LEF1: variants seen among roughly 807,000 people sequenced by gnomAD.
LEF1 encodes lymphoid enhancer-binding factor 1.
Under a neutral mutation model 51.2 loss-of-function variants are expected in LEF1, and 14 were observed. The ratio of observed to expected loss-of-function variants is 0.27; its 90% CI spans 0.18 to 0.43. LEF1 has a LOEUF of 0.43. LEF1 is among the 20% of genes least tolerant of loss of function. The probability of loss-of-function intolerance (pLI) is 1.00; values close to 1 mark genes in which losing one functional copy is unlikely to be tolerated. For missense variants in LEF1, 386 were observed against 512.0 expected, an observed-to-expected ratio of 0.75 and a Z score of 2.37; for synonymous variants, 185 against 183.2, an observed-to-expected ratio of 1.01 and a Z score of -0.08.
intron 3 of LEF1, among the ~76,000 whole-genome samples, chr4:108,161,923 T>C (rs902153110): frequency 6.6e-6 from 1 of 152,106 alleles, no homozygotes; most frequent in South Asian, 2.1e-4. Flanking sequence ...ATCTAAAACA[T>C]ATTCTCCTTC....
At chr4:108,087,682 T>C (rs984442186) in intron 4 of LEF1, among the ~76,000 whole-genome samples, 2 of 152,222 alleles carry the variant, frequency 1.3e-5, no homozygotes. Context: ...GTAAGCACTA[T>C]TTAATTGTTA....
At chr4:108,109,892 C>T (rs1355111461) in intron 3 of LEF1, among the ~76,000 whole-genome samples, 1 of 152,160 alleles carries the variant, frequency 6.6e-6, no homozygotes, top group Non-Finnish European at 1.5e-5. Context: ...AAAATACACA[C>T]CTGCCCAGCC....
Position 108,167,727 on chromosome 4 carries a change from TCCC to T in LEF1, c.38_40del (p.Gly13del), listed in dbSNP as rs780936502. On this transcript the variant is annotated inframe_deletion, in exon 1 of 12. Coordinates refer to ENST00000265165, the MANE Select transcript of LEF1 (RefSeq NM_016269.5). The surrounding 1 kb of genome is among the most constrained non-coding windows in gnomAD (Gnocchi z 5.7). ...CTCGTCCGTGGCGCAGAGTTCCGGG[TCCC>T]CCCCGCCGCCGCCACCTCCTCCGGA... 6.2e-7 allele frequency: 1 copy of T among 1,612,610 alleles called. No homozygotes were observed. Among genetic ancestry groups the T allele is most frequent in the South Asian group, 1.1e-5 (1 of 91,014 alleles).
At chr4:108,139,950 A>C (rs765923064) in intron 3 of LEF1, among the ~76,000 whole-genome samples, 1 of 152,190 alleles carries the variant, frequency 6.6e-6, no homozygotes, top group Non-Finnish European at 1.5e-5. Flanking sequence ...TCTTACCTCA[A>C]AAAGAATTCA....
intron 8 of LEF1, among the ~76,000 whole-genome samples, chr4:108,073,335 A>G (rs751922697): frequency 6.6e-6 from 1 of 152,186 alleles, no homozygotes; most frequent in Non-Finnish European, 1.5e-5. Context: ...CAGTGAGCCA[A>G]GATTGCACCA....
chr4:108,104,476 AATAT>A (rs201314868), intron 3 of LEF1, among the ~76,000 whole-genome samples: 2 of 147,640 alleles, frequency 1.4e-5, no homozygotes, highest in East Asian at 2.0e-4. Context: ...ATATATATAA[AATAT>A]ATATATAAAT....
rs541139832 is a variant in LEF1, at chr4:108,111,667, T to G, written c.415-22410A>C. Among the ~76,000 whole-genome samples the G allele has an allele frequency of 9.2e-5, 14 of 152,258 alleles. 1 individual carries two copies. In the East Asian group the frequency reaches 2.7e-3, roughly 29 times the overall value. On this transcript the variant is annotated intron_variant, in intron 3 of 11. Coordinates refer to ENST00000265165, the MANE Select transcript of LEF1 (RefSeq NM_016269.5). Reference sequence around the variant, plus strand: ...TGGCTCACGCCTGTAATCCTAGCACTTTGGGAGGCCAAGGCAGGTGAATTG... The same window carrying G: ...TGGCTCACGCCTGTAATCCTAGCACGTTGGGAGGCCAAGGCAGGTGAATTG...
chr4:108,160,304 CATAA>C (rs1382373334), intron 3 of LEF1, among the ~76,000 whole-genome samples: 2 of 152,168 alleles, frequency 1.3e-5, no homozygotes, highest in Non-Finnish European at 2.9e-5. Flanking sequence ...CAGGGATTTT[CATAA>C]ATAAAGTTCA....
chr4:108,148,456 G>A (rs966021180), intron 3 of LEF1, among the ~76,000 whole-genome samples: 1 of 152,126 alleles, frequency 6.6e-6, no homozygotes, highest in Non-Finnish European at 1.5e-5. Flanking sequence ...GCTCTACTAG[G>A]CTGCAACACT....
intron 3 of LEF1, among the ~76,000 whole-genome samples, chr4:108,114,843 G>C (rs77178783): frequency 6.6e-6 from 1 of 152,162 alleles, no homozygotes; most frequent in Non-Finnish European, 1.5e-5. Context: ...TGGAACAGCC[G>C]GCTTCCTCTG....
At chr4:108,108,469 C>T (rs1038300292) in intron 3 of LEF1, among the ~76,000 whole-genome samples, 10 of 152,092 alleles carry the variant, frequency 6.6e-5, no homozygotes, top group Non-Finnish European at 1.2e-4. Context: ...TTGATTTTTC[C>T]TATCCAACCT....
At chr4:108,138,873 C>T (rs1344537088) in intron 3 of LEF1, among the ~76,000 whole-genome samples, 1 of 152,234 alleles carries the variant, frequency 6.6e-6, no homozygotes, top group African/African-American at 2.4e-5. Context: ...CATTTTCCTC[C>T]TCTGCCTTCC....
intron 11 of LEF1, among the ~76,000 whole-genome samples, chr4:108,051,771 A>C (rs1737009643): frequency 6.6e-6 from 1 of 151,698 alleles, no homozygotes; most frequent in South Asian, 2.1e-4. Flanking sequence ...ACCAAATTCC[A>C]ATCTTGACAA....
intron 11 of LEF1, among the ~76,000 whole-genome samples, chr4:108,055,348 T>G (rs1270594627): frequency 6.6e-6 from 1 of 152,224 alleles, no homozygotes; most frequent in Non-Finnish European, 1.5e-5. Flanking sequence ...CCATACTCCT[T>G]GTGGCATATA....
rs1218126265 is a variant in LEF1 at position 108,048,006 on chromosome 4, T to G, written c.*752A>C. On this transcript the variant is annotated 3_prime_UTR_variant, in exon 12 of 12. Coordinates refer to ENST00000265165, the MANE Select transcript of LEF1 (RefSeq NM_016269.5). ...CCTTACAAGGGCGGAGAAGCCACTATGTGTTACAGGCAATTCACAGAGAAG... is the reference window on the plus strand; with the variant it reads ...CCTTACAAGGGCGGAGAAGCCACTAGGTGTTACAGGCAATTCACAGAGAAG... 1 of 152,638 alleles carries G rather than the reference T, an allele frequency of 6.6e-6. No homozygotes were observed. Among genetic ancestry groups the G allele is most frequent in the Non-Finnish European group, 1.5e-5 (1 of 68,048 alleles). The allele number at this position is 152,638 out of a possible 1,614,324, so 9.5% of individuals were successfully genotyped here. A position where few individuals can be genotyped will look rare whatever the true frequency, so the allele number is the denominator to read the frequency against.
At chr4:108,079,743 T>A in intron 6 of LEF1, 129 bp from the exon 7 acceptor site, 1 of 830,878 alleles carries the variant, frequency 1.2e-6, no homozygotes, top group Non-Finnish European at 1.9e-6. Flanking sequence ...ACAGAAGCAT[T>A]AACTATAAAT....
At chr4:108,055,051 T>C (rs1737232378) in intron 11 of LEF1, among the ~76,000 whole-genome samples, 1 of 152,230 alleles carries the variant, frequency 6.6e-6, no homozygotes, top group South Asian at 2.1e-4. Flanking sequence ...CACAGTAATG[T>C]CATGAAATTT....
intron 6 of LEF1, among the ~76,000 whole-genome samples, 193 bp downstream of exon 6, chr4:108,081,393 C>T (rs1200606769): frequency 6.6e-6 from 1 of 152,052 alleles, no homozygotes; most frequent in Non-Finnish European, 1.5e-5. Context: ...CTGGTCCGGC[C>T]GGGGCACAGC....
At chr4:108,125,728 T>G (rs17038617) in intron 3 of LEF1, among the ~76,000 whole-genome samples, 22,075 of 151,826 alleles carry the variant, frequency 0.15, 2,051 homozygotes, top group South Asian at 0.37. Flanking sequence ...TTTTTTTTTT[T>G]TAGCACGCAT....
Sources: allele counts gnomAD v4.1 joint callset (sites outside exome capture counted in the v4.1 genomes callset), GRCh38; gene constraint gnomAD v4.1.1; non-coding constraint Gnocchi (gnomAD v3.1); transcripts MANE v1.5; gene names NCBI Gene and HGNC (gene_info 2026-07-23, HGNC 2026-07-21).